Variants in BYSL observed in about 807,000 individuals in gnomAD.
The protein encoded by BYSL is bystin like.
BYSL carries 21 observed loss-of-function variants against 45.4 expected under a neutral mutation model. The ratio of observed to expected loss-of-function variants is 0.46; its 90% CI spans 0.33 to 0.67. The LOEUF is 0.67. BYSL is among the 30% of genes least tolerant of loss of function. The pLI, the probability that BYSL is intolerant of heterozygous loss-of-function variation, is 0.02. For missense variants in BYSL, 522 were observed against 578.5 expected (o/e 0.90, Z 1.00); for synonymous variants, 215 against 231.3 (o/e 0.93, Z 0.64).
In BYSL at chr6:41,930,319, GGGCTCCTGCCACA is replaced by G. The variant is rs201698568; in HGVS notation, c.570+54_570+66del. 6.4e-3 allele frequency: 10,225 copies of G among 1,586,486 alleles called. 223 individuals carry two copies. Among genetic ancestry groups the G allele is most frequent in the South Asian group, 0.053 (4,678 of 88,658 alleles). ...GGTGGAAGACCCCTTTGGGGGCTGT[GGGCTCCTGCCACA>G]GGCTTTTTTGCCTTTTGCCTGCATC... On this transcript the variant is annotated intron_variant, in intron 3 of 6. Coordinates refer to ENST00000230340, the MANE Select transcript of BYSL (RefSeq NM_004053.4).
At chr6:41,914,188 A>G in the BYSL span, among the ~76,000 whole-genome samples, 2 of 152,206 alleles carry the variant, frequency 1.3e-5, no homozygotes, top group African/African-American at 2.4e-5. Context: ...GAAAAAGAAA[A>G]TATGTGCTGT....
chr6:41,923,934 A>G (rs969584684), intron 1 of BYSL, among the ~76,000 whole-genome samples: 2 of 152,024 alleles, frequency 1.3e-5, no homozygotes, highest in African/African-American at 4.8e-5. Context: ...TCTCTCTGGG[A>G]TAGTTTGTTC....
chr6:41,931,383 T>G lies in BYSL; in HGVS notation c.705-13T>G. On this transcript the variant is annotated splice_polypyrimidine_tract_variant and intron_variant, in intron 4 of 6. Transcript: ENST00000230340. ...GTGTGAGTTGGAAACTTCCCCCGCT[T>G]AACTCCCACTAGGATTTTTGCCTCT... The G allele has an allele frequency of 6.2e-7, 1 of 1,614,048 alleles. No homozygotes were observed.
At chr6:41,915,810 T>A in the BYSL span, among the ~76,000 whole-genome samples, 4 of 51,198 alleles carry the variant, frequency 7.8e-5, no homozygotes, top group South Asian at 5.1e-4. Flanking sequence ...ACATAAATAC[T>A]CACATACAAA....
At chr6:41,921,360 A>AATAT, upstream of BYSL, 7 of 664,716 alleles carry the variant, frequency 1.1e-5, no homozygotes, top group South Asian at 1.4e-4. Context: ...AAAGGCAGTG[A>AATAT]ATATATTCGG....
intron 1 of BYSL, among the ~76,000 whole-genome samples, chr6:41,923,453 C>T (rs537203787): frequency 2.0e-5 from 3 of 152,180 alleles, no homozygotes; most frequent in African/African-American, 7.2e-5. Context: ...TGAGCCATCA[C>T]ATCCAGTTAA....
upstream of BYSL, chr6:41,916,906 A>G: frequency 5.0e-6 from 8 of 1,613,620 alleles, no homozygotes; most frequent in Non-Finnish European, 6.8e-6. Flanking sequence ...TTTGCTGAAC[A>G]CTCTTGCCCT....
chr6:41,932,565 C>T lies in BYSL; in HGVS notation c.1173C>T (p.Ala391=), dbSNP rs908093306. The change falls in exon 7 of 7, where the codon GCC becomes GCT. Residue 391 remains alanine (A), a synonymous_variant. Transcript: ENST00000230340. The surrounding 1 kb of genome is among the most constrained non-coding windows in gnomAD (Gnocchi z 4.7). ...CLLTLVQRYK[A]DLATDQKEAL... ...TGACTTTGGTCCAGCGCTACAAGGC[C>T]GACTTGGCCACAGACCAGAAAGAGG... The T allele has an allele frequency of 1.7e-5, 28 of 1,614,072 alleles. No homozygotes were observed. Among genetic ancestry groups the T allele is most frequent in the Non-Finnish European group, 2.1e-5 (25 of 1,180,050 alleles).
At chr6:41,930,034 T>C in intron 2 of BYSL, 98 bp from the exon 3 acceptor site, 2 of 1,477,586 alleles carry the variant, frequency 1.4e-6, no homozygotes, top group South Asian at 2.5e-5. Context: ...AGTATGGCGG[T>C]GCTCACAGGG....
the BYSL span, chr6:41,909,470 G>A: frequency 1.0e-4 from 167 of 1,614,276 alleles, no homozygotes; most frequent in Admixed American, 9.0e-4. Flanking sequence ...GGGCGAAACA[G>A]CTCAATGGGT....
At chr6:41,920,514 A>C (rs1016352160), upstream of BYSL, among the ~76,000 whole-genome samples, 1 of 152,240 alleles carries the variant, frequency 6.6e-6, no homozygotes, top group African/African-American at 2.4e-5. Flanking sequence ...AGATGTATCC[A>C]GAAGAGAATG....
Position 41,931,422 on chromosome 6 carries a change from G to A in BYSL, c.731G>A (p.Arg244His), listed in dbSNP as rs184220096. ...TRIFASNLKE[R>H]MAQRFYNLVL... is the part of the protein sequence containing the mutation. ...ATTTTTGCCTCTAACCTGAAGGAAC[G>A]CATGGCCCAGCGCTTCTACAACCTT... Residue 244 changes from arginine (R) to histidine (H), a missense_variant, in exon 5 of 7, where the codon CGC becomes CAC. By Grantham distance (29) the Arg-to-His change is conservative. Coordinates refer to ENST00000230340, the MANE Select transcript of BYSL (RefSeq NM_004053.4). The A allele has an allele frequency of 1.5e-5, 25 of 1,614,156 alleles. No homozygotes were observed. In the East Asian group the frequency reaches 2.0e-4, roughly 13 times the overall value.
upstream of BYSL, chr6:41,917,840 A>AG: frequency 2.1e-6 from 1 of 467,118 alleles, no homozygotes; most frequent in Non-Finnish European, 4.5e-6. Context: ...CCAGAGCCAC[A>AG]GGTGGCTGGG....
intron 3 of BYSL, 70 bp from the exon 4 acceptor site, chr6:41,930,565 C>T: frequency 5.2e-6 from 8 of 1,535,004 alleles, no homozygotes; most frequent in Non-Finnish European, 7.0e-6. Flanking sequence ...AGCACCCAGA[C>T]AAGTTCCTAG....
In BYSL at chr6:41,922,131, C is replaced by T. The variant is rs932714689; in HGVS notation, c.268+301C>T. 2.1e-4 allele frequency among the ~76,000 whole-genome samples: 32 copies of T among 152,100 alleles called. 1 individual carries two copies. Among genetic ancestry groups the T allele is most frequent in the South Asian group, 8.3e-4 (4 of 4,830 alleles). ...CCCACTACGAGCTTTGCGCTATGCT[C>T]GGAATTCTATCGAATGTTTGGGTAC... On this transcript the variant is annotated intron_variant, in intron 1 of 6. Transcript: ENST00000230340.
chr6:41,915,660 G>C, the BYSL span, among the ~76,000 whole-genome samples: 1 of 152,176 alleles, frequency 6.6e-6, no homozygotes, highest in Non-Finnish European at 1.5e-5. Context: ...AGTGGCAGGT[G>C]CCTGTAGTCC....
chr6:41,910,518 G>T, the BYSL span, among the ~76,000 whole-genome samples: 1 of 151,638 alleles, frequency 6.6e-6, no homozygotes, highest in Admixed American at 6.6e-5. Context: ...TGTAATCCCA[G>T]CTACTGGGGA....
intron 1 of BYSL, among the ~76,000 whole-genome samples, chr6:41,923,910 G>A (rs1345751837): frequency 2.0e-5 from 3 of 152,090 alleles, no homozygotes; most frequent in African/African-American, 7.2e-5. Context: ...AGGGGGTTTG[G>A]CCTGGTTGTT....
the BYSL span, among the ~76,000 whole-genome samples, chr6:41,913,505 T>A: frequency 6.6e-6 from 1 of 152,260 alleles, no homozygotes; most frequent in Non-Finnish European, 1.5e-5. Flanking sequence ...TCTTGATTCT[T>A]ACTTCCTTCA....
Sources: gnomAD v4.1 joint callset for allele counts (sites outside exome capture counted in the v4.1 genomes callset) on GRCh38, gnomAD v4.1.1 for gene constraint, Gnocchi (gnomAD v3.1) non-coding constraint, MANE v1.5 for transcripts, NCBI Gene and HGNC (gene_info 2026-07-23, HGNC 2026-07-21) for gene names.